GAS2L3: variants seen among roughly 807,000 people sequenced by gnomAD.
GAS2L3 encodes growth arrest specific 2 like 3, also known as GAS2-like protein 3.
Under a neutral mutation model 37.0 loss-of-function variants are expected in GAS2L3, and 28 were observed. The ratio of observed to expected loss-of-function variants is 0.76; its 90% CI spans 0.56 to 1.04. The LOEUF (loss-of-function observed/expected upper bound fraction) is 1.04. GAS2L3 is among the 50% of genes least tolerant of loss of function. The pLI is 0.00. For synonymous variants in GAS2L3, 290 were observed against 296.6 expected (o/e 0.98, Z 0.23); for missense variants, 793 against 817.6 (o/e 0.97, Z 0.37).
chr12:100,622,434 G>T, intron 9 of GAS2L3, 52 bp downstream of exon 9: 1 of 908,696 alleles, frequency 1.1e-6, no homozygotes, highest in Non-Finnish European at 1.7e-6. Flanking sequence ...TTTGAAATTG[G>T]ATTTATTGCT....
intron 1 of GAS2L3, among the ~76,000 whole-genome samples, chr12:100,590,830 A>T (rs576513666): frequency 1.6e-4 from 25 of 152,312 alleles, no homozygotes; most frequent in Non-Finnish European, 1.2e-4. Context: ...GTAACTCAGG[A>T]ATGGAAAACC....
intron 9 of GAS2L3, 38 bp downstream of exon 9, chr12:100,622,420 C>A: frequency 1.9e-6 from 2 of 1,039,456 alleles, no homozygotes; most frequent in Non-Finnish European, 2.9e-6. Flanking sequence ...CACATAAATA[C>A]TGTTTTGAAA....
chr12:100,600,713 G>A (rs534723727), intron 4 of GAS2L3, among the ~76,000 whole-genome samples, 163 bp downstream of exon 4: 1 of 152,318 alleles, frequency 6.6e-6, no homozygotes, highest in Admixed American at 6.5e-5. Flanking sequence ...TTCAGCTGGG[G>A]AAATAGTCTG....
chr12:100,624,234 A>G lies in GAS2L3; in HGVS notation c.1429A>G (p.Asn477Asp), dbSNP rs192835929. 3.3e-5 allele frequency: 54 copies of G among 1,614,034 alleles called. No homozygotes were observed. The East Asian group carries it at 1.2e-3, about 35-fold the overall frequency. The change falls in exon 10 of 10, where the codon AAT becomes GAT. Residue 477 changes from asparagine (N) to aspartate (D), a missense_variant. Coordinates refer to ENST00000547754, the MANE Select transcript of GAS2L3 (RefSeq NM_174942.3). ...GKTQPKYLKH[N>D]HISSRDNAVS... is the part of the protein sequence containing the mutation. ...AACTCAACCTAAGTATTTGAAACAT[A>G]ATCATATTTCTTCCAGAGATAATGC... is the stretch of plus-strand genomic sequence containing the variant.
chr12:100,590,944 G>C (rs1473747469), intron 1 of GAS2L3, among the ~76,000 whole-genome samples: 1 of 151,172 alleles, frequency 6.6e-6, no homozygotes, highest in African/African-American at 2.4e-5. Flanking sequence ...AGAGTGGGAG[G>C]GGGGCAAGGG....
Position 100,600,397 on chromosome 12 carries a change from G to T in GAS2L3, c.34G>T (p.Asp12Tyr), listed in dbSNP as rs764435139. The T allele has an allele frequency of 1.5e-5, 24 of 1,588,606 alleles. No individual in the cohort carries two copies. In the South Asian group the frequency reaches 2.8e-4, roughly 18 times the overall value. Residue 12 changes from aspartate (D) to tyrosine (Y), a missense_variant, in exon 4 of 10, where the codon GAT becomes TAT. Physicochemically the swap from Asp to Tyr is radical, Grantham distance 160. Coordinates refer to ENST00000547754, the MANE Select transcript of GAS2L3 (RefSeq NM_174942.3). ...TTTTCTTTAGGTATGGTTTGGAGAA[G>T]ATCTGCCTCTAAGTCCTCGGAGTCC... Reference protein sequence around the residue: ...QPAIQVWFGEDLPLSPRSPLT... With the variant: ...QPAIQVWFGEYLPLSPRSPLT...
chr12:100,586,449 A>C (rs186818796), intron 1 of GAS2L3, among the ~76,000 whole-genome samples: 61 of 152,346 alleles, frequency 4.0e-4, no homozygotes, highest in African/African-American at 1.3e-3. Flanking sequence ...GTGCAAACAC[A>C]TGGAAACTCA....
intron 9 of GAS2L3, among the ~76,000 whole-genome samples, 165 bp from the exon 10 acceptor site, chr12:100,623,394 TTTA>T (rs2136598992): frequency 6.6e-6 from 1 of 152,332 alleles, no homozygotes; most frequent in South Asian, 2.1e-4. Context: ...GTGAGTTAAA[TTTA>T]TTATATTAAT....
Position 100,627,717 on chromosome 12 carries a change from C to T in GAS2L3, c.*2827C>T, listed in dbSNP as rs377342175. 1.3e-5 allele frequency: 2 copies of T among 152,194 alleles called. No homozygotes were observed. Among genetic ancestry groups the T allele is most frequent in the South Asian group, 2.1e-4 (1 of 4,824 alleles). 9.4% of individuals were successfully genotyped at this position (152,194 alleles called of 1,614,324 possible). A position where few individuals can be genotyped will look rare whatever the true frequency, so the allele number is the denominator to read the frequency against. On this transcript the variant is annotated 3_prime_UTR_variant, in exon 10 of 10. Transcript: ENST00000547754. ...CTTAACATTGCTGAAGTTGGGAGAACTTTCCATCTCTTCTTAATAACAGTG... is the reference window on the plus strand; with the variant it reads ...CTTAACATTGCTGAAGTTGGGAGAATTTTCCATCTCTTCTTAATAACAGTG...
rs781760757 is a variant in GAS2L3, at chr12:100,624,672, A to T, written c.1867A>T (p.Thr623Ser). The change falls in exon 10 of 10, where the codon ACC becomes TCC. Residue 623 changes from threonine (T) to serine (S), a missense_variant. Thr to Ser is a moderately conservative substitution (Grantham distance 58). Transcript: ENST00000547754. ...LSIVSLPQSSTKTQTAPKSAQ... is the reference protein window; with the variant it reads ...LSIVSLPQSSSKTQTAPKSAQ... ...CATCGTGAGCCTACCCCAGTCTTCT[A>T]CCAAAACACAAACTGCACCGAAGTC... The T allele has an allele frequency of 1.2e-6, 2 of 1,614,012 alleles. No individual in the cohort carries two copies. Among genetic ancestry groups the T allele is most frequent in the African/African-American group, 2.7e-5 (2 of 74,928 alleles).
intron 5 of GAS2L3, 130 bp from the exon 6 acceptor site, chr12:100,611,870 T>C: frequency 6.0e-6 from 4 of 668,346 alleles, no homozygotes; most frequent in Non-Finnish European, 1.0e-5. Flanking sequence ...CAAAACTATC[T>C]TTTTTCTCTA....
At position 100,624,860 on chromosome 12, in the gene GAS2L3, C is replaced by T. The variant is rs1466690135; in HGVS notation, c.2055C>T (p.Val685=). The change falls in exon 10 of 10, where the codon GTC becomes GTT. Residue 685 remains valine, a synonymous_variant. Coordinates refer to ENST00000547754, the MANE Select transcript of GAS2L3 (RefSeq NM_174942.3). The stretch of plus-strand genomic sequence containing the variant: ...AGGAAGATGATGACCATTATTTTGT[C>T]ATGACTGGAAGTAAGAAACCTAGAA... The part of the protein sequence containing the change: ...KKKEDDDHYF[V]MTGSKKPRK The T allele has an allele frequency of 6.3e-7, 1 of 1,598,482 alleles. No individual in the cohort carries two copies. The highest frequency in any genetic ancestry group is 2.2e-5 in the East Asian group (1 of 44,798).
At chr12:100,623,495 G>T (rs1347931883) in intron 9 of GAS2L3, 67 bp from the exon 10 acceptor site, 2 of 1,403,450 alleles carry the variant, frequency 1.4e-6, no homozygotes, top group Admixed American at 4.5e-5. Context: ...TATTGTAACT[G>T]CTAATGAATT....
At chr12:100,583,575 G>A (rs970164183) in intron 1 of GAS2L3, among the ~76,000 whole-genome samples, 1 of 151,830 alleles carries the variant, frequency 6.6e-6, no homozygotes, top group Non-Finnish European at 1.5e-5. Context: ...GGGTTCAAGC[G>A]ATTCTCCTGT....
intron 9 of GAS2L3, among the ~76,000 whole-genome samples, chr12:100,623,179 G>A (rs1042650108): frequency 6.6e-6 from 1 of 152,072 alleles, no homozygotes; most frequent in African/African-American, 2.4e-5. Context: ...TGATGTAGTA[G>A]TGCACAGAGC....
intron 1 of GAS2L3, among the ~76,000 whole-genome samples, chr12:100,588,997 A>G (rs1333177420): frequency 1.3e-5 from 2 of 152,128 alleles, no homozygotes; most frequent in Non-Finnish European, 2.9e-5. Context: ...TTTTACAATC[A>G]ATTTGTAGAG....
chr12:100,596,106 C>T (rs1955908301), intron 3 of GAS2L3, among the ~76,000 whole-genome samples: 1 of 151,998 alleles, frequency 6.6e-6, no homozygotes. Flanking sequence ...AAATACAGTT[C>T]CATCATACTT....
At chr12:100,621,700 C>T (rs1407838198) in intron 8 of GAS2L3, among the ~76,000 whole-genome samples, 1 of 151,862 alleles carries the variant, frequency 6.6e-6, no homozygotes, top group Non-Finnish European at 1.5e-5. Flanking sequence ...GTGAAAATTC[C>T]TACTTAGCCT....
chr12:100,618,104 G>C (rs750947506), intron 7 of GAS2L3, among the ~76,000 whole-genome samples: 3 of 152,240 alleles, frequency 2.0e-5, no homozygotes, highest in South Asian at 2.1e-4. Flanking sequence ...GTCAAAGCAA[G>C]TCCTCTGAAC....
Sources: allele counts gnomAD v4.1 joint callset (sites outside exome capture counted in the v4.1 genomes callset), GRCh38; gene constraint gnomAD v4.1.1; transcripts MANE v1.5; gene names NCBI Gene and HGNC (gene_info 2026-07-23, HGNC 2026-07-21).